The following BARHL2 variants were observed in gnomAD, a reference collection of about 807,000 sequenced individuals.
The protein encoded by BARHL2 is barH-like 2 homeobox protein.
BARHL2 carries 10 observed loss-of-function variants against 27.1 expected under a neutral mutation model. The ratio of observed to expected loss-of-function variants is 0.37; its 90% CI spans 0.23 to 0.63. The LOEUF is 0.63. BARHL2 is among the 20% of genes least tolerant of loss of function. The probability of loss-of-function intolerance (pLI) is 0.65; values close to 1 mark genes in which losing one functional copy is unlikely to be tolerated. For missense variants in BARHL2, 483 were observed against 533.5 expected (o/e 0.91, Z 0.93); for synonymous variants, 248 against 224.7 (o/e 1.10, Z -0.93).
intron 2 of BARHL2, among the ~76,000 whole-genome samples, chr1:90,713,518 A>G (rs1321394004): frequency 6.6e-5 from 10 of 152,206 alleles, no homozygotes; most frequent in African/African-American, 2.2e-4. Context: ...CCCATTTTAA[A>G]TTGGCTACAA....
At chr1:90,712,681 A>G in intron 2 of BARHL2, 57 bp from the exon 3 acceptor site, 1 of 1,497,484 alleles carries the variant, frequency 6.7e-7, no homozygotes, top group South Asian at 1.3e-5. Context: ...CCAGGCACCA[A>G]GACCCGGCCC....
chr1:90,712,278 G>A lies in BARHL2; in HGVS notation c.*34C>T. On this transcript the variant is annotated 3_prime_UTR_variant, in exon 3 of 3. Transcript: ENST00000370445. ...GCAGTCCGGGTTGGGCAGGGATATGGGGAAGGGATTGCAGTGCCTTCGCTG... is the reference window on the plus strand; with the variant it reads ...GCAGTCCGGGTTGGGCAGGGATATGAGGAAGGGATTGCAGTGCCTTCGCTG... The A allele has an allele frequency of 7.0e-7, 1 of 1,434,132 alleles. No individual in the cohort carries two copies. The highest frequency in any genetic ancestry group is 1.4e-5 in the African/African-American group (1 of 70,034). The allele number at this position is 1,434,132 out of a possible 1,614,324, so 88.8% of individuals were successfully genotyped here.
intron 1 of BARHL2, among the ~76,000 whole-genome samples, chr1:90,715,474 T>A (rs1032348715): frequency 6.6e-6 from 1 of 152,168 alleles, no homozygotes; most frequent in African/African-American, 2.4e-5. Flanking sequence ...AATCCCTCCC[T>A]GTTTGTACCC....
At position 90,717,108 on chromosome 1, in the gene BARHL2, C is replaced by T. The variant is rs962345664; in HGVS notation, c.88G>A (p.Gly30Arg). 3.7e-5 allele frequency: 59 copies of T among 1,613,840 alleles called. No individual in the cohort carries two copies. The highest frequency in any genetic ancestry group is 4.8e-5 in the Non-Finnish European group (57 of 1,179,992). Residue 30 changes from glycine to arginine, a missense_variant, in exon 1 of 3, where the codon GGA becomes AGA. This residue lies in a region of BARHL2 where 304 missense variants were observed against 284.9 expected (regional missense o/e 1.07). Transcript: ENST00000370445. Reference protein sequence around the residue: ...ASSGSPGMMNGDFRPLGEART... With the variant: ...ASSGSPGMMNRDFRPLGEART... ...GCCTCACCGAGCGGGCGGAAATCTC[C>T]ATTCATCATGCCTGGGCTGCCTGAA...
chr1:90,714,249 G>A (rs1378126343), intron 2 of BARHL2, among the ~76,000 whole-genome samples: 1 of 152,204 alleles, frequency 6.6e-6, no homozygotes, highest in Non-Finnish European at 1.5e-5. Flanking sequence ...CATTGATTTG[G>A]GGATGAAGTG....
intron 1 of BARHL2, 54 bp downstream of exon 1, chr1:90,716,517 T>G (rs1314171084): frequency 1.3e-6 from 2 of 1,572,170 alleles, no homozygotes; most frequent in Non-Finnish European, 1.7e-6. Context: ...AAGGGGAGAT[T>G]GGGAACCAGG....
intron 1 of BARHL2, among the ~76,000 whole-genome samples, chr1:90,715,757 G>A (rs952372850): frequency 6.6e-6 from 1 of 152,084 alleles, no homozygotes; most frequent in African/African-American, 2.4e-5. Context: ...CTTTTGCCAT[G>A]CAAAGACTAC....
Position 90,717,017 on chromosome 1 carries a change from G to A in BARHL2, c.179C>T (p.Thr60Met), listed in dbSNP as rs780066106. 2 of 1,613,900 alleles carry A rather than the reference G, an allele frequency of 1.2e-6. No individual in the cohort carries two copies. Among genetic ancestry groups the A allele is most frequent in the South Asian group, 1.1e-5 (1 of 91,016 alleles). ...GACTGAGATAGGAGAAGAAGGCGCC[G>A]TCCCTACGGTATCAATCTCCGAACA... ...SPCSEIDTVG[T>M]APSSPISVTM... Residue 60 changes from threonine (T) to methionine (M), a missense_variant, in exon 1 of 3, where the codon ACG becomes ATG. Around this residue, in one of 3 missense-constraint regions of BARHL2, gnomAD observed 304 missense variants for 284.9 expected, o/e 1.07. Coordinates refer to ENST00000370445, the MANE Select transcript of BARHL2 (RefSeq NM_020063.2).
chr1:90,716,506 G>T, intron 1 of BARHL2, 65 bp downstream of exon 1: 1 of 1,529,818 alleles, frequency 6.5e-7, no homozygotes, highest in Non-Finnish European at 9.0e-7. Flanking sequence ...GCTGAAGGCT[G>T]AAGGGGAGAT....
At position 90,716,610 on chromosome 1, in the gene BARHL2, C is replaced by G. The variant is rs1284564241; in HGVS notation, c.586G>C (p.Asp196His). The change falls in exon 1 of 3, where the codon GAC becomes CAC. Residue 196 changes from aspartate to histidine, a missense_variant. Physicochemically the swap from Asp to His is moderately conservative, Grantham distance 81. Transcript: ENST00000370445. ...LEQEDSKTKL[D>H]KREDSQSDIK... ...TCGCTCTGGGAATCCTCCCGCTTGT[C>G]GAGTTTGGTCTTGCTGTCCTCCTGC... 6.2e-7 allele frequency: 1 copy of G among 1,614,192 alleles called. No individual in the cohort carries two copies. The highest frequency in any genetic ancestry group is 8.5e-7 in the Non-Finnish European group (1 of 1,180,052).
In BARHL2 at chr1:90,717,154, G is replaced by C; in HGVS notation, c.42C>G (p.Asp14Glu). The change falls in exon 1 of 3, where the codon GAC becomes GAG. Residue 14 changes from aspartate to glutamate, a missense_variant. Transcript: ENST00000370445. ...CTGAACTGGCACTGGACAAAATCGT[G>C]TCTATTCCAAAACTCGACCCGCTGG... ...EGASGSSFGIDTILSSASSGS... is the reference protein window; with the variant it reads ...EGASGSSFGIETILSSASSGS... 1.2e-6 allele frequency: 2 copies of C among 1,613,628 alleles called. No individual in the cohort carries two copies. Among genetic ancestry groups the C allele is most frequent in the Non-Finnish European group, 1.7e-6 (2 of 1,179,906 alleles).
intron 2 of BARHL2, among the ~76,000 whole-genome samples, chr1:90,712,871 T>C (rs565915814): frequency 1.3e-4 from 20 of 152,276 alleles, no homozygotes; most frequent in African/African-American, 4.8e-4. Flanking sequence ...ACAAATGAAA[T>C]CCTACAGGCC....
At chr1:90,715,740 G>C (rs1273995950) in intron 1 of BARHL2, among the ~76,000 whole-genome samples, 3 of 152,140 alleles carry the variant, frequency 2.0e-5, no homozygotes, top group African/African-American at 7.2e-5. Flanking sequence ...CTCCTGGTAT[G>C]TTAAAACTTT....
intron 1 of BARHL2, among the ~76,000 whole-genome samples, chr1:90,715,530 C>A (rs1257624379): frequency 6.6e-6 from 1 of 152,168 alleles, no homozygotes; most frequent in East Asian, 1.9e-4. Flanking sequence ...GAACAATAAT[C>A]TCTCTAATTG....
At position 90,712,296 on chromosome 1, in the gene BARHL2, C is replaced by T. The variant is rs1293701503; in HGVS notation, c.*16G>A. 5.5e-6 allele frequency: 8 copies of T among 1,446,004 alleles called. No homozygotes were observed. Among genetic ancestry groups the T allele is most frequent in the Non-Finnish European group, 6.4e-6 (7 of 1,097,284 alleles). The allele number at this position is 1,446,004 out of a possible 1,614,324, so 89.6% of individuals were successfully genotyped here. On this transcript the variant is annotated 3_prime_UTR_variant, in exon 3 of 3. Transcript: ENST00000370445. ...GGATATGGGGAAGGGATTGCAGTGC[C>T]TTCGCTGCAATGTTTTCACCGGGGG...
intron 2 of BARHL2, 99 bp downstream of exon 2, chr1:90,714,432 G>T: frequency 8.3e-7 from 1 of 1,202,364 alleles, no homozygotes; most frequent in Non-Finnish European, 1.2e-6. Flanking sequence ...GTCACTCTCA[G>T]TCCTTAGAGT....
At chr1:90,712,946 A>G (rs1011983627) in intron 2 of BARHL2, among the ~76,000 whole-genome samples, 1 of 152,070 alleles carries the variant, frequency 6.6e-6, no homozygotes, top group Non-Finnish European at 1.5e-5. Flanking sequence ...ACTTCTGGAA[A>G]CTTTCCTTAG....
At position 90,716,545 on chromosome 1, in the gene BARHL2, C is replaced by T. The variant is rs140798122; in HGVS notation, c.625+26G>A. 1.0e-3 allele frequency: 1,689 copies of T among 1,610,790 alleles called. 14 individuals carry two copies. In the African/African-American group the frequency reaches 0.02, roughly 19 times the overall value. On this transcript the variant is annotated intron_variant, in intron 1 of 2. Transcript: ENST00000370445. The stretch of plus-strand genomic sequence containing the variant: ...GAACCAGGAGGACAAGCTAGACGGC[C>T]GAGAGCGCCGGGTGGCGGGACTCAC...
rs766966404 is a variant in BARHL2 at position 90,712,574 on chromosome 1, G to T, written c.902C>A (p.Ala301Glu). The change falls in exon 3 of 3, where the codon GCA (alanine) becomes GAA (glutamate). Residue 301 changes from alanine (A) to glutamate (E), a missense_variant. Around this residue, in one of 3 missense-constraint regions of BARHL2, gnomAD observed 130 missense variants for 138.0 expected, o/e 0.94. Coordinates refer to ENST00000370445, the MANE Select transcript of BARHL2 (RefSeq NM_020063.2). The stretch of plus-strand genomic sequence containing the variant: ...CCTCTGCAGCGCCGAGTAGTTCCCT[G>T]CCTCGGCCAGCAACTCCAGGCCCAC... ...TAVGLELLAE[A>E]GNYSALQRMF... 6.2e-7 allele frequency: 1 copy of T among 1,613,348 alleles called. No individual in the cohort carries two copies. The highest frequency in any genetic ancestry group is 1.1e-5 in the South Asian group (1 of 91,038).
Sources: gnomAD v4.1 joint callset for allele counts (sites outside exome capture counted in the v4.1 genomes callset) on GRCh38, gnomAD v4.1.1 for gene constraint, gnomAD v4.1.1 regional missense constraint, MANE v1.5 for transcripts, NCBI Gene and HGNC (gene_info 2026-07-23, HGNC 2026-07-21) for gene names.